Variants in MEIS1 observed in about 807,000 individuals in gnomAD.
The protein encoded by MEIS1 is homeobox protein Meis1.
A neutral mutation model predicts 50.8 loss-of-function variants in MEIS1; 5 were observed. The ratio of observed to expected loss-of-function variants is 0.10; its 90% confidence interval spans 0.05 to 0.21. The LOEUF (loss-of-function observed/expected upper bound fraction) is 0.21. Ranked by LOEUF, MEIS1 falls within the 10% of genes least tolerant of loss-of-function variation. MEIS1 has a pLI of 1.00. For missense variants in MEIS1, 318 were observed against 517.3 expected (o/e 0.61, Z 3.74); for synonymous variants, 176 against 179.3 (o/e 0.98, Z 0.15).
At chr2:66,446,200 C>T (rs142022799) in intron 6 of MEIS1, among the ~76,000 whole-genome samples, 5 of 152,244 alleles carry the variant, frequency 3.3e-5, no homozygotes, top group African/African-American at 7.2e-5. Context: ...CGACCGGAAG[C>T]GGGGCGCGTG....
chr2:66,507,606 T>C (rs1408928476), intron 7 of MEIS1, among the ~76,000 whole-genome samples: 1 of 152,194 alleles, frequency 6.6e-6, no homozygotes, highest in Non-Finnish European at 1.5e-5. Context: ...TTGGGTTTTG[T>C]TGTTGCTTCA....
At chr2:66,555,470 T>C (rs969850672) in intron 9 of MEIS1, among the ~76,000 whole-genome samples, 12 of 152,200 alleles carry the variant, frequency 7.9e-5, no homozygotes, top group African/African-American at 2.9e-4. Flanking sequence ...ATGTTACTCT[T>C]CATCTTCTCA....
Position 66,572,459 on chromosome 2 carries a change from CTG to C in MEIS1, c.*1253_*1254del, listed in dbSNP as rs1675505335. 2.0e-5 allele frequency: 3 copies of C among 151,996 alleles called. No individual in the cohort carries two copies. The highest frequency in any genetic ancestry group is 4.4e-5 in the Non-Finnish European group (3 of 68,000). The allele number at this position is 151,996 out of a possible 1,614,324, so 9.4% of individuals were successfully genotyped here. A position where few individuals can be genotyped will look rare whatever the true frequency, so the allele number is the denominator to read the frequency against. ...GTGCAAAAAGGACTGGAAAAATGAA[CTG>C]TATTATTGCAATTTTTTTTTGTAAA... On this transcript the variant is annotated 3_prime_UTR_variant, in exon 13 of 13. Transcript: ENST00000272369.
At chr2:66,499,374 C>T (rs1021089364) in intron 7 of MEIS1, among the ~76,000 whole-genome samples, 7 of 151,390 alleles carry the variant, frequency 4.6e-5, no homozygotes, top group Non-Finnish European at 1.0e-4. Context: ...CTCTTTTTTT[C>T]CCCCTGACCC....
intron 6 of MEIS1, among the ~76,000 whole-genome samples, chr2:66,444,770 T>C (rs1434710410): frequency 6.6e-6 from 1 of 152,132 alleles, no homozygotes; most frequent in East Asian, 1.9e-4. Flanking sequence ...GGAATAAAAA[T>C]TGCAATCCAA....
chr2:66,567,401 C>G (rs78221941), intron 9 of MEIS1, 52 bp from the exon 10 acceptor site: 146 of 1,567,590 alleles, frequency 9.3e-5, no homozygotes, highest in Non-Finnish European at 8.0e-5. Context: ...CTTCCTCAAC[C>G]CCCCCTTTTA....
At chr2:66,500,685 A>G (rs1247385995) in intron 7 of MEIS1, among the ~76,000 whole-genome samples, 1 of 152,112 alleles carries the variant, frequency 6.6e-6, no homozygotes, top group Non-Finnish European at 1.5e-5. Context: ...TCAGCCTCCA[A>G]AAGTGCTGGG....
At chr2:66,517,981 G>A (rs921074009) in intron 8 of MEIS1, among the ~76,000 whole-genome samples, 3 of 152,090 alleles carry the variant, frequency 2.0e-5, no homozygotes, top group African/African-American at 4.8e-5. Context: ...AAGATCAAAG[G>A]AGAAGCATCA....
At chr2:66,504,495 C>T (rs896334551) in intron 7 of MEIS1, among the ~76,000 whole-genome samples, 1 of 152,098 alleles carries the variant, frequency 6.6e-6, no homozygotes, top group Non-Finnish European at 1.5e-5. Context: ...CTCGGTCTCC[C>T]AAAGTGCTGG....
intron 7 of MEIS1, among the ~76,000 whole-genome samples, chr2:66,498,753 T>C (rs1254761455): frequency 1.3e-5 from 2 of 152,150 alleles, no homozygotes; most frequent in East Asian, 1.9e-4. Flanking sequence ...TCTAGCTTTA[T>C]TTGCCTGGAG....
At chr2:66,457,357 A>C (rs1672416378) in intron 6 of MEIS1, among the ~76,000 whole-genome samples, 1 of 152,112 alleles carries the variant, frequency 6.6e-6, no homozygotes. Context: ...AAGCAGATAC[A>C]AATGTGAGCC....
chr2:66,471,780 GC>G (rs1672766116), intron 7 of MEIS1, among the ~76,000 whole-genome samples: 1 of 152,120 alleles, frequency 6.6e-6, no homozygotes, highest in Non-Finnish European at 1.5e-5. Context: ...AAGGGCATTC[GC>G]TTTTCAGTGA....
In MEIS1 at chr2:66,572,534, G is replaced by A. The variant is rs1393811737; in HGVS notation, c.*1326G>A. 2.0e-5 allele frequency: 3 copies of A among 152,032 alleles called. No individual in the cohort carries two copies. In the East Asian group the frequency reaches 5.8e-4, roughly 29 times the overall value. 9.4% of individuals were successfully genotyped at this position (152,032 alleles called of 1,614,324 possible). ...GCATGCATACAAGATTTACTAAGTGGGATAAGCTAATTATACTTTTTGTTG... is the reference window on the plus strand; with the variant it reads ...GCATGCATACAAGATTTACTAAGTGAGATAAGCTAATTATACTTTTTGTTG... On this transcript the variant is annotated 3_prime_UTR_variant, in exon 13 of 13. Coordinates refer to ENST00000272369, the MANE Select transcript of MEIS1 (RefSeq NM_002398.3).
chr2:66,526,635 C>T (rs192268966), intron 8 of MEIS1, among the ~76,000 whole-genome samples: 2 of 152,256 alleles, frequency 1.3e-5, no homozygotes, highest in African/African-American at 4.8e-5. Context: ...GTAGACTACT[C>T]TTTGTTTGGG....
chr2:66,490,139 G>T (rs1360332661), intron 7 of MEIS1, among the ~76,000 whole-genome samples: 1 of 152,306 alleles, frequency 6.6e-6, no homozygotes, highest in Admixed American at 6.5e-5. Context: ...TCCATATTTG[G>T]CAAATTCAGC....
chr2:66,472,338 T>C (rs1356438637), intron 7 of MEIS1, among the ~76,000 whole-genome samples: 3 of 152,222 alleles, frequency 2.0e-5, no homozygotes, highest in Admixed American at 2.0e-4. Flanking sequence ...TTTAGAATTA[T>C]AATCTCTCCT....
intron 7 of MEIS1, among the ~76,000 whole-genome samples, chr2:66,465,479 G>A (rs990682377): frequency 1.5e-4 from 23 of 152,064 alleles, no homozygotes; most frequent in African/African-American, 5.1e-4. Context: ...GTGTTATGGC[G>A]TTGCTGTTCA....
chr2:66,507,065 G>A (rs1407075315), intron 7 of MEIS1, among the ~76,000 whole-genome samples: 1 of 152,090 alleles, frequency 6.6e-6, no homozygotes, highest in Admixed American at 6.5e-5. Context: ...CTTCATGTTG[G>A]GCTTTCTTTT....
chr2:66,515,919 G>A (rs550551320), intron 8 of MEIS1, among the ~76,000 whole-genome samples: 11 of 152,256 alleles, frequency 7.2e-5, no homozygotes, highest in African/African-American at 2.6e-4. Flanking sequence ...CAGTTCAGGG[G>A]CATATGTCAT....
Sources: allele counts gnomAD v4.1 joint callset (sites outside exome capture counted in the v4.1 genomes callset), GRCh38; gene constraint gnomAD v4.1.1; transcripts MANE v1.5; gene names NCBI Gene and HGNC (gene_info 2026-07-23, HGNC 2026-07-21).